LCN10: variants seen among roughly 807,000 people sequenced by gnomAD.
LCN10 encodes epididymal-specific lipocalin-10.
LCN10 carries 18 observed loss-of-function variants against 25.1 expected under a neutral mutation model. The observed-to-expected ratio is 0.72, with a 90% CI of 0.50 to 1.06. The LOEUF (loss-of-function observed/expected upper bound fraction) is 1.06, where lower values mean the gene tolerates loss of function less well. LCN10 is among the 50% of genes least tolerant of loss of function. LCN10 has a pLI of 0.00. For missense variants in LCN10, 257 were observed against 258.9 expected (o/e 0.99, Z 0.05); for synonymous variants, 130 against 116.7 (o/e 1.11, Z -0.73).
At chr9:136,741,399 A>C in intron 2 of LCN10, 38 bp from the exon 3 acceptor site, 1 of 1,486,660 alleles carries the variant, frequency 6.7e-7, no homozygotes, top group Non-Finnish European at 9.3e-7. Flanking sequence ...CAGACCAGGG[A>C]ACCCCTCCTC....
rs1450418934 is a variant in LCN10 at position 136,738,850 on chromosome 9, A to G, written c.*675T>C. The G allele has an allele frequency of 1.3e-5, 2 of 152,546 alleles. No homozygotes were observed. The highest frequency in any genetic ancestry group is 6.5e-5 in the Admixed American group (1 of 15,290). 9.4% of individuals were successfully genotyped at this position (152,546 alleles called of 1,614,324 possible). ...GGTCAGCCCAAATGCCACTTCCCCC[A>G]GGAAGCTCTCCCTGATGCTGCCCTG... On this transcript the variant is annotated 3_prime_UTR_variant, in exon 6 of 6. Transcript: ENST00000497771.
chr9:136,742,186 T>C, intron 1 of LCN10, 166 bp from the exon 2 acceptor site: 1 of 815,600 alleles, frequency 1.2e-6, no homozygotes. Context: ...CCCTGGCCAC[T>C]GGAGCAGGGC....
chr9:136,739,786 C>T lies in LCN10; in HGVS notation c.574+164G>A, dbSNP rs1003737263. The T allele has an allele frequency of 1.3e-6, 1 of 781,682 alleles. No individual in the cohort carries two copies. The highest frequency in any genetic ancestry group is 1.7e-5 in the African/African-American group (1 of 58,328). The allele number at this position is 781,682 out of a possible 1,614,324, so 48.4% of individuals were successfully genotyped here. A position where few individuals can be genotyped will look rare whatever the true frequency, so the allele number is the denominator to read the frequency against. ...CGGTGCCAGGCCTGCCAGGCCAAGC[C>T]CCGATTCTCAGGGGCGGCAGGAGGT... On this transcript the variant is annotated intron_variant, in intron 5 of 5. Transcript: ENST00000497771. This position sits in a 1 kb window ranked among gnomAD's most constrained non-coding sequence, Gnocchi z 6.1.
intron 1 of LCN10, chr9:136,742,448 G>T: frequency 2.3e-6 from 1 of 427,804 alleles, no homozygotes; most frequent in South Asian, 3.5e-5. Flanking sequence ...CTCAGCAGGT[G>T]CCCGGGCCCT....
At position 136,739,665 on chromosome 9, in the gene LCN10, A is replaced by G; in HGVS notation, c.575-112T>C. 9.8e-7 allele frequency: 1 copy of G among 1,018,676 alleles called. No homozygotes were observed. Among genetic ancestry groups the G allele is most frequent in the Non-Finnish European group, 1.5e-6 (1 of 664,636 alleles). 63.1% of individuals were successfully genotyped at this position (1,018,676 alleles called of 1,614,324 possible). A position where few individuals can be genotyped will look rare whatever the true frequency, so the allele number is the denominator to read the frequency against. ...GGTTCCATGCGTGCTCGTCTTGGGC[A>G]CCACGAGAACACAGCCATGCAGCCC... On this transcript the variant is annotated intron_variant, in intron 5 of 5. Transcript: ENST00000497771. The surrounding 1 kb of genome is among the most constrained non-coding windows in gnomAD (Gnocchi z 6.1).
At position 136,742,930 on chromosome 9, in the gene LCN10, G is replaced by T. The variant is rs751437336; in HGVS notation, c.-27C>A. 6.2e-7 allele frequency: 1 copy of T among 1,609,684 alleles called. No individual in the cohort carries two copies. Among genetic ancestry groups the T allele is most frequent in the South Asian group, 1.1e-5 (1 of 90,670 alleles). On this transcript the variant is annotated 5_prime_UTR_variant, in exon 1 of 6. Coordinates refer to ENST00000497771, the MANE Select transcript of LCN10 (RefSeq NM_001001712.3). ...TTCACCCTCCTCCCTCAGCCGCCAA[G>T]GCCAGTGTTTAAACCTCTCTGGAGC...
chr9:136,742,649 G>A lies in LCN10; in HGVS notation c.117+138C>T, dbSNP rs11145858. 490 of 1,087,296 alleles carry A rather than the reference G, an allele frequency of 4.5e-4. 3 individuals carry two copies. The African/African-American group carries it at 7.2e-3, about 16-fold the overall frequency. 67.4% of individuals were successfully genotyped at this position (1,087,296 alleles called of 1,614,324 possible). On this transcript the variant is annotated intron_variant, in intron 1 of 5. Coordinates refer to ENST00000497771, the MANE Select transcript of LCN10 (RefSeq NM_001001712.3). ...GGCCCCTGTGCTGGAGGCTGCAGTGGGAGAGGCCAGGTGGGCAGCGCCCGT... is the reference window on the plus strand; with the variant it reads ...GGCCCCTGTGCTGGAGGCTGCAGTGAGAGAGGCCAGGTGGGCAGCGCCCGT...
chr9:136,739,163 G>C lies in LCN10; in HGVS notation c.*362C>G. ...TCCTGAGAAAGTGCAGGATGTAAAG[G>C]AACGCGGAGGGTGGCGGCGGCGTGG... is the stretch of plus-strand genomic sequence containing the variant. On this transcript the variant is annotated 3_prime_UTR_variant, in exon 6 of 6. Transcript: ENST00000497771. This position sits in a 1 kb window ranked among gnomAD's most constrained non-coding sequence, Gnocchi z 6.1. The C allele has an allele frequency of 7.2e-6, 2 of 277,704 alleles. No individual in the cohort carries two copies. The highest frequency in any genetic ancestry group is 8.5e-5 in the South Asian group (2 of 23,642). The allele number at this position is 277,704 out of a possible 1,614,324, so 17.2% of individuals were successfully genotyped here. A position where few individuals can be genotyped will look rare whatever the true frequency, so the allele number is the denominator to read the frequency against.
Position 136,741,219 on chromosome 9 carries a change from G to A in LCN10, c.367+33C>T, listed in dbSNP as rs368363691. On this transcript the variant is annotated intron_variant, in intron 3 of 5. Transcript: ENST00000497771. ...CACAGGGGGGTCAGAGGCATATCAC[G>A]CAGCTCCTCCAGGGCCCAGAGCCCA... 6.8e-5 allele frequency: 108 copies of A among 1,579,850 alleles called. 4 individuals are homozygous for A. Among genetic ancestry groups the A allele is most frequent in the South Asian group, 6.2e-4 (56 of 89,996 alleles).
At position 136,740,380 on chromosome 9, in the gene LCN10, C is replaced by T. The variant is rs57861006; in HGVS notation, c.476-332G>A. 2.2e-4 allele frequency: 101 copies of T among 453,944 alleles called. No individual in the cohort carries two copies. The highest frequency in any genetic ancestry group is 1.8e-3 in the African/African-American group (90 of 50,886). 28.1% of individuals were successfully genotyped at this position (453,944 alleles called of 1,614,324 possible). On this transcript the variant is annotated intron_variant, in intron 4 of 5. Transcript: ENST00000497771. The surrounding 1 kb of genome is among the most constrained non-coding windows in gnomAD (Gnocchi z 5.3). ...ACCCCAGGACCCCACCTCCCCTCTA[C>T]CCGTTCCAACCGGGAGGGCCACTCC...
rs770477339 is a variant in LCN10 at position 136,742,909 on chromosome 9, C to A, written c.-6G>T. The A allele has an allele frequency of 8.7e-6, 14 of 1,612,820 alleles. No individual in the cohort carries two copies. Among genetic ancestry groups the A allele is most frequent in the South Asian group, 2.2e-5 (2 of 90,996 alleles). ...ACCAGCAGCCCCTGCCTCATCTTCA[C>A]CCTCCTCCCTCAGCCGCCAAGGCCA... is the stretch of plus-strand genomic sequence containing the variant. On this transcript the variant is annotated 5_prime_UTR_variant, in exon 1 of 6. Coordinates refer to ENST00000497771, the MANE Select transcript of LCN10 (RefSeq NM_001001712.3).
intron 1 of LCN10, chr9:136,742,308 A>G (rs1390760446): frequency 8.6e-6 from 4 of 465,490 alleles, no homozygotes; most frequent in Non-Finnish European, 1.5e-5. Flanking sequence ...TCCTTCCCAC[A>G]TGGCCTCCTG....
Position 136,739,923 on chromosome 9 carries a change from G to A in LCN10, c.574+27C>T, listed in dbSNP as rs73554078. On this transcript the variant is annotated intron_variant, in intron 5 of 5. Transcript: ENST00000497771. The surrounding 1 kb of genome is among the most constrained non-coding windows in gnomAD (Gnocchi z 6.1). ...ATGGGACGGGCAGGTAGGGCCAGGA[G>A]GGCAAAGGGCTGAGGGCACAGCTTA... The A allele has an allele frequency of 3.2e-3, 4,895 of 1,542,636 alleles. 128 individuals carry two copies. The African/African-American group carries it at 0.058, about 18-fold the overall frequency.
At position 136,740,530 on chromosome 9, in the gene LCN10, A is replaced by T; in HGVS notation, c.475+306T>A. ...CCTGGGACCCCTCCCACGCCTCCTCATCCCCACTGTGTCCCTCACCCAGAA... is the reference window on the plus strand; with the variant it reads ...CCTGGGACCCCTCCCACGCCTCCTCTTCCCCACTGTGTCCCTCACCCAGAA... On this transcript the variant is annotated intron_variant, in intron 4 of 5. Transcript: ENST00000497771. This position sits in a 1 kb window ranked among gnomAD's most constrained non-coding sequence, Gnocchi z 5.3. 2.1e-6 allele frequency: 1 copy of T among 468,810 alleles called. No individual in the cohort carries two copies. Among genetic ancestry groups the T allele is most frequent in the South Asian group, 3.3e-5 (1 of 30,414 alleles). 29.0% of individuals were successfully genotyped at this position (468,810 alleles called of 1,614,324 possible).
Position 136,741,272 on chromosome 9 carries a change from G to C in LCN10, c.347C>G (p.Pro116Arg), listed in dbSNP as rs779664140. The change falls in exon 3 of 6, where the codon CCG (proline) becomes CGG (arginine). Residue 116 changes from proline (P) to arginine (R), a missense_variant. Transcript: ENST00000497771. ...FGNACAYAAG[P>R]REGQEGVKGV... ...CACACCTCCCTCCTGTCCTTCCCTCGGGCCCGCCGCGTATGCACAGGCGTT... is the reference window on the plus strand; with the variant it reads ...CACACCTCCCTCCTGTCCTTCCCTCCGGCCCGCCGCGTATGCACAGGCGTT... 7 of 1,613,462 alleles carry C rather than the reference G, an allele frequency of 4.3e-6. No individual in the cohort carries two copies. The Admixed American group carries it at 8.3e-5, about 19-fold the overall frequency.
intron 3 of LCN10, 87 bp from the exon 4 acceptor site, chr9:136,741,030 T>G (rs1297791561): frequency 8.1e-7 from 1 of 1,236,354 alleles, no homozygotes; most frequent in Admixed American, 1.9e-5. Flanking sequence ...GCCCGAGGCC[T>G]CAGAGCCCCC....
In LCN10 at chr9:136,742,841, C is replaced by T. The variant is rs2131072871; in HGVS notation, c.63G>A (p.Gly21=). The change falls in exon 1 of 6, where the codon GGG becomes GGA. Residue 21 remains glycine (G), a synonymous_variant. Transcript: ENST00000497771. ...VLVLVLVLAA[G]SQVQEWYPRE... ...TGGGGTACCACTCCTGCACCTGGGA[C>T]CCTGCAGCCAGCACTAGCACCAGCA... The T allele has an allele frequency of 6.2e-7, 1 of 1,613,648 alleles. No individual in the cohort carries two copies. Among genetic ancestry groups the T allele is most frequent in the Middle Eastern group, 1.6e-4 (1 of 6,062 alleles).
rs1588296266 is a variant in LCN10, at chr9:136,740,118, C to T, written c.476-70G>A. The T allele has an allele frequency of 9.9e-7, 1 of 1,013,596 alleles. No individual in the cohort carries two copies. Among genetic ancestry groups the T allele is most frequent in the Non-Finnish European group, 1.5e-6 (1 of 656,676 alleles). The allele number at this position is 1,013,596 out of a possible 1,614,324, so 62.8% of individuals were successfully genotyped here. ...ATTTTAGGGTCTGCACCCTGACCCCCATCCCTACCCCAGGAGCTGCTGAAA... is the reference window on the plus strand; with the variant it reads ...ATTTTAGGGTCTGCACCCTGACCCCTATCCCTACCCCAGGAGCTGCTGAAA... On this transcript the variant is annotated intron_variant, in intron 4 of 5. Transcript: ENST00000497771. The surrounding 1 kb of genome is among the most constrained non-coding windows in gnomAD (Gnocchi z 5.3).
rs973476809 is a variant in LCN10 at position 136,740,441 on chromosome 9, G to C, written c.476-393C>G. ...CCCCAAGTGGTTGGTGTCTAGAATT[G>C]GGTTTGTGGCCCTTAACCCACACTG... On this transcript the variant is annotated intron_variant, in intron 4 of 5. Coordinates refer to ENST00000497771, the MANE Select transcript of LCN10 (RefSeq NM_001001712.3). This position sits in a 1 kb window ranked among gnomAD's most constrained non-coding sequence, Gnocchi z 5.3. 2.4e-6 allele frequency: 1 copy of C among 424,322 alleles called. No individual in the cohort carries two copies. Among genetic ancestry groups the C allele is most frequent in the African/African-American group, 2.0e-5 (1 of 50,322 alleles). The allele number at this position is 424,322 out of a possible 1,614,324, so 26.3% of individuals were successfully genotyped here. A position where few individuals can be genotyped will look rare whatever the true frequency, so the allele number is the denominator to read the frequency against.
Sources: allele counts gnomAD v4.1 joint callset, GRCh38; gene constraint gnomAD v4.1.1; non-coding constraint Gnocchi (gnomAD v3.1); transcripts MANE v1.5; gene names NCBI Gene and HGNC (gene_info 2026-07-23, HGNC 2026-07-21).